The following NEK11 variants were observed in gnomAD, a reference collection of about 807,000 sequenced individuals.
NEK11 encodes the protein NIMA related kinase 11, also known as serine/threonine-protein kinase Nek11.
In NEK11, 72 loss-of-function variants were observed where a neutral mutation model predicts 80.7. That is an observed-to-expected ratio of 0.89 (90% CI 0.74 to 1.08). The LOEUF (loss-of-function observed/expected upper bound fraction) is 1.08, where lower values mean the gene tolerates loss of function less well. Ranked by LOEUF, NEK11 falls within the 50% of genes least tolerant of loss-of-function variation. The probability of loss-of-function intolerance (pLI) is 0.00; values close to 1 mark genes in which losing one functional copy is unlikely to be tolerated. For synonymous variants in NEK11, 251 were observed against 260.7 expected (o/e 0.96, Z 0.36); for missense variants, 764 against 763.6 (o/e 1.00, Z -0.01).
At chr3:131,038,642 A>G (rs774175507) in intron 3 of NEK11, among the ~76,000 whole-genome samples, 1 of 152,234 alleles carries the variant, frequency 6.6e-6, no homozygotes. Flanking sequence ...ACAGTTAGGA[A>G]GAAGGCAACA....
At chr3:131,120,350 T>C (rs2149458542) in intron 5 of NEK11, among the ~76,000 whole-genome samples, 1 of 152,352 alleles carries the variant, frequency 6.6e-6, no homozygotes, top group South Asian at 2.1e-4. Context: ...AGAGATCCGC[T>C]GTTAGTCTGA....
intron 3 of NEK11, among the ~76,000 whole-genome samples, chr3:131,057,705 C>G (rs1265035704): frequency 1.3e-5 from 2 of 151,784 alleles, no homozygotes; most frequent in African/African-American, 4.8e-5. Flanking sequence ...AGTGTCTGTT[C>G]ATATCCTTTG....
At chr3:131,323,915 C>G (rs1425965604) in intron 17 of NEK11, among the ~76,000 whole-genome samples, 1 of 152,196 alleles carries the variant, frequency 6.6e-6, no homozygotes, top group East Asian at 1.9e-4. Flanking sequence ...GCTTCTGTGT[C>G]AGGCATGCAC....
intron 5 of NEK11, among the ~76,000 whole-genome samples, chr3:131,116,593 C>G (rs1364809049): frequency 3.9e-5 from 6 of 152,228 alleles, no homozygotes; most frequent in Non-Finnish European, 8.8e-5. Context: ...ATCCCACCAA[C>G]AGTGTAAAAG....
At chr3:131,101,385 C>T (rs1008306426) in intron 4 of NEK11, among the ~76,000 whole-genome samples, 2 of 152,022 alleles carry the variant, frequency 1.3e-5, no homozygotes, top group African/African-American at 4.8e-5. Context: ...AAACTTTCCT[C>T]TTAACATGTT....
chr3:131,293,205 A>G (rs1055577510), intron 17 of NEK11, among the ~76,000 whole-genome samples: 5 of 152,124 alleles, frequency 3.3e-5, no homozygotes, highest in Admixed American at 3.3e-4. Context: ...ACCCTTAAGT[A>G]TGATGTTAAC....
Position 131,155,124 on chromosome 3 carries a change from A to G in NEK11, c.962+3A>G. On this transcript the variant is annotated splice_donor_region_variant and intron_variant, in intron 10 of 17. Transcript: ENST00000383366. ...GCTGCTCATATAATTAATGCCATGT[A>G]AGTAATTGCTTTGTTTTTAAAAAGC... 1 of 1,587,156 alleles carries G rather than the reference A, an allele frequency of 6.3e-7. No individual in the cohort carries two copies. Among genetic ancestry groups the G allele is most frequent in the Non-Finnish European group, 8.7e-7 (1 of 1,156,000 alleles).
At chr3:131,134,908 CTTA>C (rs1261653463) in intron 7 of NEK11, among the ~76,000 whole-genome samples, 2 of 152,216 alleles carry the variant, frequency 1.3e-5, no homozygotes, top group East Asian at 1.9e-4. Flanking sequence ...GAAGAGGAAT[CTTA>C]TTATATACTT....
intron 7 of NEK11, among the ~76,000 whole-genome samples, chr3:131,138,261 G>A (rs2086040475): frequency 6.6e-6 from 1 of 152,162 alleles, no homozygotes; most frequent in Admixed American, 6.5e-5. Context: ...GAGCATCAGT[G>A]GTAGCCTGGG....
intron 11 of NEK11, among the ~76,000 whole-genome samples, chr3:131,162,998 A>G (rs932202396): frequency 7.9e-5 from 12 of 152,206 alleles, no homozygotes; most frequent in African/African-American, 2.4e-5. Flanking sequence ...TGTCAAGTGA[A>G]GCATTTAGAA....
intron 14 of NEK11, among the ~76,000 whole-genome samples, chr3:131,201,326 G>A (rs2094217166): frequency 6.6e-6 from 1 of 151,818 alleles, no homozygotes; most frequent in Admixed American, 6.6e-5. Flanking sequence ...AAGGGATGTG[G>A]AATATCGGAA....
intron 5 of NEK11, among the ~76,000 whole-genome samples, chr3:131,113,175 CTGAGGT>C (rs1171708715): frequency 1.3e-5 from 2 of 152,042 alleles, no homozygotes; most frequent in Non-Finnish European, 2.9e-5. Flanking sequence ...AAAGATGAAC[CTGAGGT>C]TTTGTGCCTG....
intron 14 of NEK11, among the ~76,000 whole-genome samples, chr3:131,185,377 G>A (rs1358152508): frequency 6.6e-6 from 1 of 152,080 alleles, no homozygotes; most frequent in African/African-American, 2.4e-5. Context: ...CAAGCAGGAA[G>A]GAAAACAGAC....
Position 131,264,062 on chromosome 3 carries a change from T to C in NEK11, c.1622-9416T>C, listed in dbSNP as rs1476068315. Among the ~76,000 whole-genome samples the C allele has an allele frequency of 2.6e-5, 4 of 152,202 alleles. No homozygotes were observed. The East Asian group carries it at 7.7e-4, about 29-fold the overall frequency. ...TTTGCCCACTTTTTGATGGGGTTGTTTGATTTTTTCTTGTAAATTTGTTTA... is the reference window on the plus strand; with the variant it reads ...TTTGCCCACTTTTTGATGGGGTTGTCTGATTTTTTCTTGTAAATTTGTTTA... On this transcript the variant is annotated intron_variant, in intron 16 of 17. Transcript: ENST00000383366.
intron 4 of NEK11, chr3:131,109,535 C>T (rs1001296645): frequency 7.6e-6 from 2 of 262,878 alleles, no homozygotes; most frequent in Middle Eastern, 1.1e-3. Context: ...AGGGTAGGAC[C>T]ATCCTAGGGT....
chr3:131,216,576 G>T (rs1217267768), intron 14 of NEK11, among the ~76,000 whole-genome samples: 1 of 151,966 alleles, frequency 6.6e-6, no homozygotes, highest in African/African-American at 2.4e-5. Context: ...TTCACTGGGG[G>T]CTGTCCATAT....
At chr3:131,121,775 C>A (rs1488490713) in intron 5 of NEK11, among the ~76,000 whole-genome samples, 2 of 152,172 alleles carry the variant, frequency 1.3e-5, no homozygotes, top group Non-Finnish European at 2.9e-5. Context: ...GGGTGTGGGA[C>A]CCTCCAAGCC....
chr3:131,092,107 C>T (rs1222004085), intron 4 of NEK11, among the ~76,000 whole-genome samples: 2 of 152,214 alleles, frequency 1.3e-5, no homozygotes, highest in Non-Finnish European at 2.9e-5. Flanking sequence ...GTTAATTTAA[C>T]AATTTCTCCC....
At chr3:131,048,136 A>G (rs113994434) in intron 3 of NEK11, among the ~76,000 whole-genome samples, 1,532 of 152,212 alleles carry the variant, frequency 0.01, 21 homozygotes, top group East Asian at 0.073. Context: ...TGCCCTCTCA[A>G]TAGCACTGAG....
Sources: gnomAD v4.1 joint callset for allele counts (sites outside exome capture counted in the v4.1 genomes callset) on GRCh38, gnomAD v4.1.1 for gene constraint, MANE v1.5 for transcripts, NCBI Gene and HGNC (gene_info 2026-07-23, HGNC 2026-07-21) for gene names.